Variants in ADCK2 observed in about 807,000 individuals in gnomAD.
The protein encoded by ADCK2 is uncharacterized aarF domain-containing protein kinase 2.
Under a neutral mutation model 52.3 loss-of-function variants are expected in ADCK2, and 37 were observed. The observed-to-expected ratio is 0.71, with a 90% CI of 0.54 to 0.93. ADCK2 has a LOEUF of 0.93. Ranked by LOEUF, ADCK2 falls within the 40% of genes least tolerant of loss-of-function variation. The probability of loss-of-function intolerance (pLI) is 0.00; values close to 1 mark genes in which losing one functional copy is unlikely to be tolerated. For missense variants in ADCK2, 695 were observed against 798.7 expected (o/e 0.87, Z 1.56); for synonymous variants, 321 against 349.2 (o/e 0.92, Z 0.90).
rs981317289 is a variant in ADCK2 at position 140,694,934 on chromosome 7, A to G, written c.*131A>G. On this transcript the variant is annotated 3_prime_UTR_variant, in exon 8 of 8. Coordinates refer to ENST00000072869, the MANE Select transcript of ADCK2 (RefSeq NM_052853.4). Reference sequence around the variant, plus strand: ...GTAACCCTCCAGTGGTGGAAGGCACACCATGGCTTCCTCTGCTTGGTTTGA... The same window carrying G: ...GTAACCCTCCAGTGGTGGAAGGCACGCCATGGCTTCCTCTGCTTGGTTTGA... The G allele has an allele frequency of 4.9e-6, 7 of 1,426,202 alleles. No individual in the cohort carries two copies. The African/African-American group carries it at 1.0e-4, about 20-fold the overall frequency. 88.3% of individuals were successfully genotyped at this position (1,426,202 alleles called of 1,614,324 possible).
rs771418834 is a variant in ADCK2 at position 140,674,244 on chromosome 7, T to A, written c.914T>A (p.Leu305His). 1 of 1,612,070 alleles carries A rather than the reference T, an allele frequency of 6.2e-7. No homozygotes were observed. The highest frequency in any genetic ancestry group is 8.5e-7 in the Non-Finnish European group (1 of 1,178,996). ...VPGHQPEATN[L>H]ISVAVKVLHP... ...GGCCACCAACCTGAGGCCACCAACC[T>A]CATCTCCGTGGCAGTGAAAGTAAGT... The change falls in exon 1 of 8, where the codon CTC becomes CAC. Residue 305 changes from leucine to histidine, a missense_variant. Coordinates refer to ENST00000072869, the MANE Select transcript of ADCK2 (RefSeq NM_052853.4). This position sits in a 1 kb window ranked among gnomAD's most constrained non-coding sequence, Gnocchi z 4.6.
intron 2 of ADCK2, among the ~76,000 whole-genome samples, chr7:140,675,916 T>C (rs1167320904): frequency 6.6e-6 from 1 of 152,168 alleles, no homozygotes; most frequent in African/African-American, 2.4e-5. Flanking sequence ...TCCACTTAGG[T>C]ACCTGTTGGC....
At chr7:140,692,799 T>A (rs1054147173) in intron 7 of ADCK2, among the ~76,000 whole-genome samples, 1 of 152,278 alleles carries the variant, frequency 6.6e-6, no homozygotes, top group African/African-American at 2.4e-5. Flanking sequence ...TTAAAAACAT[T>A]TAATGTAGCC....
intron 2 of ADCK2, among the ~76,000 whole-genome samples, chr7:140,675,564 C>A (rs1178317893): frequency 6.6e-6 from 1 of 152,172 alleles, no homozygotes; most frequent in Non-Finnish European, 1.5e-5. Flanking sequence ...CATGCAGGGT[C>A]ATGTAATAAA....
chr7:140,674,517 C>A lies in ADCK2; in HGVS notation c.934-94C>A. On this transcript the variant is annotated intron_variant, in intron 1 of 7. Transcript: ENST00000072869. This position sits in a 1 kb window ranked among gnomAD's most constrained non-coding sequence, Gnocchi z 4.6. ...CATCCTCTTTTCTTTGATAAGAAGC[C>A]ACCTGGCTCTTGCTTGGATGGTGGG... 1 of 1,453,408 alleles carries A rather than the reference C, an allele frequency of 6.9e-7. No individual in the cohort carries two copies. Among genetic ancestry groups the A allele is most frequent in the Admixed American group, 2.3e-5 (1 of 43,332 alleles). The allele number at this position is 1,453,408 out of a possible 1,614,324, so 90.0% of individuals were successfully genotyped here. A position where few individuals can be genotyped will look rare whatever the true frequency, so the allele number is the denominator to read the frequency against.
chr7:140,694,198 C>A (rs1794756673), intron 7 of ADCK2, among the ~76,000 whole-genome samples: 1 of 152,074 alleles, frequency 6.6e-6, no homozygotes, highest in Admixed American at 6.6e-5. Flanking sequence ...GCAGAAGGAT[C>A]CCTGAAGTCC....
chr7:140,689,641 C>G lies in ADCK2; in HGVS notation c.1602C>G (p.Ser534Arg). The G allele has an allele frequency of 6.2e-7, 1 of 1,612,248 alleles. No individual in the cohort carries two copies. Among genetic ancestry groups the G allele is most frequent in the Non-Finnish European group, 8.5e-7 (1 of 1,178,954 alleles). ...AELILHHARA[S>R]ECRDVEGFKT... ...TGATCCTGCATCATGCCCGGGCCAGCGAGTGCAGGGACGTGGAGGGGTTCA... is the reference window on the plus strand; with the variant it reads ...TGATCCTGCATCATGCCCGGGCCAGGGAGTGCAGGGACGTGGAGGGGTTCA... Residue 534 changes from serine (S) to arginine (R), a missense_variant, in exon 6 of 8, where the codon AGC becomes AGG. Physicochemically the swap from Ser to Arg is moderately radical, Grantham distance 110 (BLOSUM62 -1). Transcript: ENST00000072869.
intron 2 of ADCK2, among the ~76,000 whole-genome samples, chr7:140,677,501 A>G (rs996614201): frequency 2.6e-5 from 4 of 152,074 alleles, no homozygotes; most frequent in Non-Finnish European, 4.4e-5. Flanking sequence ...TGATAGTTGC[A>G]TCTGTATTGA....
chr7:140,681,629 CT>C, intron 4 of ADCK2, among the ~76,000 whole-genome samples: 1 of 150,970 alleles, frequency 6.6e-6, no homozygotes, highest in South Asian at 2.1e-4. Flanking sequence ...CTTTTTTTTC[CT>C]TTTTTAAGAT....
At position 140,694,912 on chromosome 7, in the gene ADCK2, A is replaced by G; in HGVS notation, c.*109A>G. The G allele has an allele frequency of 1.4e-6, 2 of 1,464,128 alleles. No individual in the cohort carries two copies. The highest frequency in any genetic ancestry group is 1.8e-6 in the Non-Finnish European group (2 of 1,113,044). The allele number at this position is 1,464,128 out of a possible 1,614,324, so 90.7% of individuals were successfully genotyped here. On this transcript the variant is annotated 3_prime_UTR_variant, in exon 8 of 8. Coordinates refer to ENST00000072869, the MANE Select transcript of ADCK2 (RefSeq NM_052853.4). The stretch of plus-strand genomic sequence containing the variant: ...AATTGGGACACCAATTTCAAATGTA[A>G]CCCTCCAGTGGTGGAAGGCACACCA...
chr7:140,683,415 G>C (rs901241293), intron 4 of ADCK2, among the ~76,000 whole-genome samples: 4 of 152,186 alleles, frequency 2.6e-5, no homozygotes, highest in African/African-American at 4.8e-5. Flanking sequence ...AGGGGAGTCA[G>C]AAGGTGGATT....
Position 140,674,601 on chromosome 7 carries a change from T to C in ADCK2, c.934-10T>C, listed in dbSNP as rs760123149. The C allele has an allele frequency of 6.2e-6, 10 of 1,604,092 alleles. No individual in the cohort carries two copies. The South Asian group carries it at 7.7e-5, about 12-fold the overall frequency. On this transcript the variant is annotated splice_polypyrimidine_tract_variant and intron_variant, in intron 1 of 7. Transcript: ENST00000072869. The surrounding 1 kb of genome is among the most constrained non-coding windows in gnomAD (Gnocchi z 4.6). ...GGTTTCTCCTGTCTCACGGTTCCTC[T>C]TTCTGACAGGTGTTGCACCCTGGCC...
At chr7:140,676,371 A>G (rs563308163) in intron 2 of ADCK2, among the ~76,000 whole-genome samples, 4 of 152,296 alleles carry the variant, frequency 2.6e-5, no homozygotes, top group African/African-American at 9.6e-5. Context: ...TTTTGGGGGG[A>G]CACAAACATT....
chr7:140,679,205 C>T lies in ADCK2; in HGVS notation c.1131C>T (p.Phe377=), dbSNP rs1242495486. ...ATCTAGAACACTTCCAGGTCAACTT[C>T]CGGAATGTGAAAGCCGTCAAGTTCC... is the stretch of plus-strand genomic sequence containing the variant. ...AQNLEHFQVN[F]RNVKAVKFPT... Residue 377 remains phenylalanine, a synonymous_variant, in exon 3 of 8, where the codon TTC becomes TTT. Transcript: ENST00000072869. 1.2e-6 allele frequency: 2 copies of T among 1,614,116 alleles called. No homozygotes were observed. Among genetic ancestry groups the T allele is most frequent in the Non-Finnish European group, 1.7e-6 (2 of 1,179,996 alleles).
chr7:140,694,146 C>A (rs1269235896), intron 7 of ADCK2, among the ~76,000 whole-genome samples: 2 of 152,144 alleles, frequency 1.3e-5, no homozygotes, highest in Non-Finnish European at 2.9e-5. Context: ...CATTGCAAGA[C>A]CCTCTGTTTA....
At chr7:140,689,556 G>A in intron 5 of ADCK2, 41 bp from the exon 6 acceptor site, 1 of 1,556,558 alleles carries the variant, frequency 6.4e-7, no homozygotes, top group South Asian at 1.2e-5. Context: ...CCAGGTTTAT[G>A]CTAGCTCCAC....
At chr7:140,691,493 G>A in intron 7 of ADCK2, among the ~76,000 whole-genome samples, 1 of 151,120 alleles carries the variant, frequency 6.6e-6, no homozygotes, top group East Asian at 1.9e-4. Context: ...CGCTCTAGAG[G>A]GTCATGCCTT....
intron 5 of ADCK2, 92 bp downstream of exon 5, chr7:140,687,333 A>G: frequency 6.9e-7 from 1 of 1,449,904 alleles, no homozygotes; most frequent in Non-Finnish European, 9.1e-7. Context: ...TAATCCCAGC[A>G]CTTTGGAAGC....
chr7:140,690,301 C>G (rs1012098466), intron 6 of ADCK2, among the ~76,000 whole-genome samples: 1 of 152,132 alleles, frequency 6.6e-6, no homozygotes, highest in Non-Finnish European at 1.5e-5. Flanking sequence ...CTCCCGGATT[C>G]AAGCGATTCT....
Sources: gnomAD v4.1 joint callset for allele counts (sites outside exome capture counted in the v4.1 genomes callset) on GRCh38, gnomAD v4.1.1 for gene constraint, Gnocchi (gnomAD v3.1) non-coding constraint, MANE v1.5 for transcripts, NCBI Gene and HGNC (gene_info 2026-07-23, HGNC 2026-07-21) for gene names.